RBPJ: variants seen among roughly 807,000 people sequenced by gnomAD.
The protein encoded by RBPJ is recombination signal binding protein for immunoglobulin kappa J region, also known as recombining binding protein suppressor of hairless.
In RBPJ, 9 loss-of-function variants were observed where a neutral mutation model predicts 67.8. The observed-to-expected ratio is 0.13, with a 90% confidence interval of 0.08 to 0.23. RBPJ has a LOEUF of 0.23. Ranked by LOEUF, RBPJ falls within the 10% of genes least tolerant of loss-of-function variation. RBPJ has a pLI of 1.00. For synonymous variants in RBPJ, 198 were observed against 203.3 expected, an observed-to-expected ratio of 0.97 and a Z score of 0.22; for missense variants, 305 against 595.6, an observed-to-expected ratio of 0.51 and a Z score of 5.08.
chr4:26,377,745 G>C (rs73121170), intron 1 of RBPJ, among the ~76,000 whole-genome samples: 2,806 of 152,156 alleles, frequency 0.018, 97 homozygotes, highest in African/African-American at 0.063. Flanking sequence ...TTACTTATCT[G>C]CCTTTCTCTG....
chr4:26,148,266 GA>G, the RBPJ span, among the ~76,000 whole-genome samples: 2 of 9,216 alleles, frequency 2.2e-4, no homozygotes, highest in East Asian at 0.17. Context: ...TAAAATTTGG[GA>G]TTTTTTCCAG....
chr4:26,392,165 T>C (rs1189637431), intron 2 of RBPJ, among the ~76,000 whole-genome samples: 1 of 152,232 alleles, frequency 6.6e-6, no homozygotes, highest in Admixed American at 6.5e-5. Context: ...TTAAAATGTC[T>C]GAAATTTAAA....
intron 1 of RBPJ, among the ~76,000 whole-genome samples, chr4:26,215,410 A>AAGGAAGGGAGGGAG (rs1718687679): frequency 8.3e-5 from 1 of 12,042 alleles, no homozygotes; most frequent in Non-Finnish European, 1.4e-4. Context: ...AGGGGGGGGA[A>AAGGAAGGGAGGGAG]GGAAGGAAGG....
intron 1 of RBPJ, among the ~76,000 whole-genome samples, chr4:26,378,001 G>A (rs188809287): frequency 2.0e-5 from 3 of 151,950 alleles, no homozygotes; most frequent in Non-Finnish European, 4.4e-5. Flanking sequence ...ACTGCGGAAG[G>A]GGAGATGAGA....
At chr4:26,175,029 G>C (rs1716745167) in intron 1 of RBPJ, among the ~76,000 whole-genome samples, 1 of 152,150 alleles carries the variant, frequency 6.6e-6, no homozygotes, top group Non-Finnish European at 1.5e-5. Context: ...GCCTATGATG[G>C]CCCCTCTTCA....
At chr4:26,214,858 GGAA>G (rs1718602042) in intron 1 of RBPJ, among the ~76,000 whole-genome samples, 1 of 116,602 alleles carries the variant, frequency 8.6e-6, no homozygotes, top group Non-Finnish European at 1.7e-5. Flanking sequence ...GAGGGAGAGA[GGAA>G]AGAGAAAATG....
At position 26,431,321 on chromosome 4, in the gene RBPJ, A is replaced by C; in HGVS notation, c.*314A>C. ...TGTTTAAATGGGCAAGAAGTAAATA[A>C]TGTGGCTGGAATACAAGTTGAACAA... On this transcript the variant is annotated 3_prime_UTR_variant, in exon 11 of 11. Coordinates refer to ENST00000355476, the MANE Select transcript of RBPJ (RefSeq NM_015874.6). 2 of 253,190 alleles carry C rather than the reference A, an allele frequency of 7.9e-6. No individual in the cohort carries two copies. The highest frequency in any genetic ancestry group is 1.5e-5 in the Non-Finnish European group (2 of 131,744). 15.7% of individuals were successfully genotyped at this position (253,190 alleles called of 1,614,324 possible). A position where few individuals can be genotyped will look rare whatever the true frequency, so the allele number is the denominator to read the frequency against.
intron 1 of RBPJ, among the ~76,000 whole-genome samples, chr4:26,235,854 A>C (rs1304007892): frequency 6.6e-6 from 1 of 152,252 alleles, no homozygotes; most frequent in Non-Finnish European, 1.5e-5. Flanking sequence ...ATTGTTGGCT[A>C]AGCTAACCTT....
At chr4:26,367,131 A>C (rs1560298448) in intron 1 of RBPJ, among the ~76,000 whole-genome samples, 2 of 152,034 alleles carry the variant, frequency 1.3e-5, no homozygotes, top group African/African-American at 4.8e-5. Flanking sequence ...TTTCAAAAAA[A>C]TAAATTAATT....
At chr4:26,363,206 C>T (rs1217284434) in intron 1 of RBPJ, among the ~76,000 whole-genome samples, 1 of 152,140 alleles carries the variant, frequency 6.6e-6, no homozygotes, top group Admixed American at 6.5e-5. Flanking sequence ...GTGGCACTAT[C>T]TCGGCTCAGT....
At chr4:26,185,358 G>T (rs549770157) in intron 1 of RBPJ, among the ~76,000 whole-genome samples, 11 of 152,206 alleles carry the variant, frequency 7.2e-5, no homozygotes, top group African/African-American at 2.6e-4. Context: ...GAAGACAGTG[G>T]CAAGAGATGG....
intron 1 of RBPJ, among the ~76,000 whole-genome samples, chr4:26,208,038 G>A (rs1577472331): frequency 6.6e-6 from 1 of 152,330 alleles, no homozygotes; most frequent in Non-Finnish European, 1.5e-5. Context: ...CTGCAGATGA[G>A]GAAACTAGGG....
intron 1 of RBPJ, among the ~76,000 whole-genome samples, chr4:26,282,318 T>C (rs1221029014): frequency 6.6e-6 from 1 of 152,118 alleles, no homozygotes; most frequent in African/African-American, 2.4e-5. Flanking sequence ...AAAATCCGCA[T>C]GCTATTATGA....
chr4:26,113,153 A>G, the RBPJ span: 3 of 226,044 alleles, frequency 1.3e-5, no homozygotes, highest in African/African-American at 2.3e-5. Context: ...AAGATTCCCC[A>G]TGAATATAAA....
intron 1 of RBPJ, among the ~76,000 whole-genome samples, chr4:26,362,987 T>C (rs1233335812): frequency 6.6e-6 from 1 of 152,216 alleles, no homozygotes; most frequent in Non-Finnish European, 1.5e-5. Flanking sequence ...ACTGTCATTT[T>C]ATGGTAGCCT....
intron 1 of RBPJ, among the ~76,000 whole-genome samples, chr4:26,358,994 G>GTCTC (rs1205826755): frequency 6.6e-6 from 1 of 152,102 alleles, no homozygotes; most frequent in Non-Finnish European, 1.5e-5. Context: ...CTTGCCTGAA[G>GTCTC]TCTCATAGCT....
At chr4:26,386,426 AT>A in intron 2 of RBPJ, 35 bp downstream of exon 2, 1 of 1,400,666 alleles carries the variant, frequency 7.1e-7, no homozygotes, top group Non-Finnish European at 1.0e-6. Flanking sequence ...TTACACATAC[AT>A]TTTATGAAAG....
intron 1 of RBPJ, among the ~76,000 whole-genome samples, chr4:26,323,269 G>T (rs1199536039): frequency 1.3e-5 from 2 of 151,952 alleles, no homozygotes; most frequent in Admixed American, 1.3e-4. Flanking sequence ...AAAATCTTGA[G>T]CTCACTGGTT....
intron 3 of RBPJ, among the ~76,000 whole-genome samples, chr4:26,412,103 A>C (rs972780703): frequency 1.0e-4 from 14 of 139,678 alleles, no homozygotes; most frequent in African/African-American, 3.7e-4. Flanking sequence ...TGACAGAGCA[A>C]GACTCCGTCT....
Sources: gnomAD v4.1 joint callset for allele counts (sites outside exome capture counted in the v4.1 genomes callset) on GRCh38, gnomAD v4.1.1 for gene constraint, MANE v1.5 for transcripts, NCBI Gene and HGNC (gene_info 2026-07-23, HGNC 2026-07-21) for gene names.